The following LRP5 variants were observed in gnomAD, a reference collection of about 807,000 sequenced individuals.
LRP5 encodes low-density lipoprotein receptor-related protein 5.
Under a neutral mutation model 154.1 loss-of-function variants are expected in LRP5, and 62 were observed. The ratio of observed to expected loss-of-function variants is 0.40; its 90% CI spans 0.33 to 0.50. The LOEUF (loss-of-function observed/expected upper bound fraction) is 0.50. Ranked by LOEUF, LRP5 falls within the 20% of genes least tolerant of loss-of-function variation. The probability of loss-of-function intolerance (pLI) is 0.55; values close to 1 mark genes in which losing one functional copy is unlikely to be tolerated. For missense variants in LRP5, 1,915 were observed against 2,336.7 expected (o/e 0.82, Z 3.72); for synonymous variants, 966 against 1,011.5 (o/e 0.96, Z 0.85).
chr11:68,404,315 C>G (rs2098654300), intron 8 of LRP5: 6 of 531,298 alleles, frequency 1.1e-5, no homozygotes, highest in Admixed American at 1.1e-4. Flanking sequence ...GCCGGGGTCC[C>G]ACACTGCACC....
intron 5 of LRP5, among the ~76,000 whole-genome samples, chr11:68,373,629 C>T (rs2098635652): frequency 2.0e-5 from 3 of 152,256 alleles, no homozygotes; most frequent in South Asian, 4.1e-4. Flanking sequence ...TCATCCCCAG[C>T]AGTCGAGTGC....
chr11:68,438,369 G>T (rs559529632), intron 19 of LRP5, 77 bp from the exon 20 acceptor site: 1 of 1,336,964 alleles, frequency 7.5e-7, no homozygotes, highest in South Asian at 1.2e-5. Context: ...CCTTCAGGGC[G>T]CACGGTGTCT....
intron 19 of LRP5, among the ~76,000 whole-genome samples, chr11:68,437,825 G>A (rs1202262824): frequency 6.6e-6 from 1 of 152,262 alleles, no homozygotes; most frequent in Non-Finnish European, 1.5e-5. Context: ...CCTGTGCCGT[G>A]GGCCCCAGCT....
At chr11:68,379,669 G>A (rs1319064511) in intron 5 of LRP5, among the ~76,000 whole-genome samples, 1 of 152,176 alleles carries the variant, frequency 6.6e-6, no homozygotes, top group Non-Finnish European at 1.5e-5. Flanking sequence ...TGACTTGTAT[G>A]CCTTTTAATT....
chr11:68,410,262 T>G (rs1248624885), intron 10 of LRP5, 122 bp downstream of exon 10: 1 of 788,370 alleles, frequency 1.3e-6, no homozygotes, highest in Non-Finnish European at 2.2e-6. Flanking sequence ...TGTACTGACG[T>G]CATTAGCCTT....
chr11:68,325,374 T>C (rs2098599061), intron 1 of LRP5, among the ~76,000 whole-genome samples: 1 of 152,110 alleles, frequency 6.6e-6, no homozygotes, highest in African/African-American at 2.4e-5. Context: ...TCAGTCGAAG[T>C]GCCCGCCTCT....
intron 5 of LRP5, among the ~76,000 whole-genome samples, chr11:68,372,574 A>T (rs766685416): frequency 6.6e-6 from 1 of 152,100 alleles, no homozygotes; most frequent in African/African-American, 2.4e-5. Context: ...TAGGAAAGTG[A>T]CTTAACCTCT....
intron 10 of LRP5, among the ~76,000 whole-genome samples, chr11:68,410,870 T>A (rs187143179): frequency 6.6e-6 from 1 of 152,264 alleles, no homozygotes. Flanking sequence ...GAAGGAAGAC[T>A]TCAGGATGGC....
intron 9 of LRP5, among the ~76,000 whole-genome samples, chr11:68,409,244 TAATATATAATAA>T (rs2098657966): frequency 7.1e-6 from 1 of 140,204 alleles, no homozygotes. Flanking sequence ...ATATATTATA[TAATATATAATAA>T]AATATATAAT....
At chr11:68,373,019 G>T (rs1189056099) in intron 5 of LRP5, among the ~76,000 whole-genome samples, 1 of 152,028 alleles carries the variant, frequency 6.6e-6, no homozygotes, top group Non-Finnish European at 1.5e-5. Flanking sequence ...CGGGGCAGGT[G>T]GGGGCCAAAT....
At chr11:68,383,632 C>T (rs779467462) in intron 5 of LRP5, among the ~76,000 whole-genome samples, 8 of 152,346 alleles carry the variant, frequency 5.3e-5, no homozygotes, top group Middle Eastern at 3.4e-3. Flanking sequence ...CCTGCTCATC[C>T]CTGGATGTAG....
In LRP5 at chr11:68,426,148, G is replaced by A. The variant is rs749679949; in HGVS notation, c.3598G>A (p.Gly1200Ser). Residue 1200 changes from glycine to serine, a missense_variant, in exon 16 of 23, where the codon GGC (glycine) becomes AGC (serine). Coordinates refer to ENST00000294304, the MANE Select transcript of LRP5 (RefSeq NM_002335.4). ...RIQGRVAHLTGIHAVEEVSLE... is the reference protein window; with the variant it reads ...RIQGRVAHLTSIHAVEEVSLE... ...CCAGGGCCGTGTCGCCCACCTCACT[G>A]GCATCCATGCAGTGGAGGAAGTCAG... is the stretch of plus-strand genomic sequence containing the variant. The A allele has an allele frequency of 3.7e-6, 6 of 1,612,744 alleles. No individual in the cohort carries two copies. The Admixed American group carries it at 5.0e-5, about 13-fold the overall frequency.
chr11:68,337,905 T>G (rs548288657), intron 1 of LRP5, among the ~76,000 whole-genome samples: 6 of 152,224 alleles, frequency 3.9e-5, no homozygotes, highest in Non-Finnish European at 8.8e-5. Flanking sequence ...CAGCCAGGTC[T>G]TCTTCCTCCA....
chr11:68,370,453 C>A (rs2098633416), intron 5 of LRP5, among the ~76,000 whole-genome samples: 1 of 152,110 alleles, frequency 6.6e-6, no homozygotes, highest in Admixed American at 6.5e-5. Flanking sequence ...TGCAGGCTGG[C>A]AGGGGGCCTG....
intron 2 of LRP5, among the ~76,000 whole-genome samples, chr11:68,352,763 G>T (rs903296324): frequency 1.3e-5 from 2 of 151,108 alleles, no homozygotes; most frequent in African/African-American, 4.9e-5. Flanking sequence ...ACTTGGTTGG[G>T]AGGTGCTCGG....
intron 9 of LRP5, among the ~76,000 whole-genome samples, 189 bp downstream of exon 9, chr11:68,407,002 C>G (rs957039072): frequency 2.0e-5 from 3 of 151,880 alleles, no homozygotes; most frequent in Non-Finnish European, 4.4e-5. Flanking sequence ...GTCCGGTAGA[C>G]ACACATAAGG....
At chr11:68,382,444 C>G (rs2153150335) in intron 5 of LRP5, among the ~76,000 whole-genome samples, 1 of 152,328 alleles carries the variant, frequency 6.6e-6, no homozygotes, top group South Asian at 2.1e-4. Context: ...AGCAGGCCCC[C>G]CACACAGACC....
chr11:68,429,832 C>T, intron 17 of LRP5, 132 bp downstream of exon 17: 1 of 1,155,426 alleles, frequency 8.7e-7, no homozygotes, highest in Non-Finnish European at 1.3e-6. Flanking sequence ...ATTGTGTCTT[C>T]CTTTGCCCTC....
intron 20 of LRP5, 68 bp from the exon 21 acceptor site, chr11:68,439,709 C>T: frequency 1.3e-6 from 2 of 1,543,806 alleles, no homozygotes; most frequent in Admixed American, 1.8e-5. Context: ...AGGAGAGCGC[C>T]CTATGTCTGT....
Sources: gnomAD v4.1 joint callset for allele counts (sites outside exome capture counted in the v4.1 genomes callset) on GRCh38, gnomAD v4.1.1 for gene constraint, MANE v1.5 for transcripts, NCBI Gene and HGNC (gene_info 2026-07-23, HGNC 2026-07-21) for gene names.